The following PTK2 variants were observed in gnomAD, a reference collection of about 807,000 sequenced individuals.
PTK2 encodes the protein focal adhesion kinase 1.
PTK2 carries 45 observed loss-of-function variants against 150.1 expected under a neutral mutation model. That is an observed-to-expected ratio of 0.30 (90% CI 0.24 to 0.38). The LOEUF (loss-of-function observed/expected upper bound fraction) is 0.38. PTK2 is among the 10% of genes least tolerant of loss of function. The probability of loss-of-function intolerance (pLI) is 1.00; values close to 1 mark genes in which losing one functional copy is unlikely to be tolerated. For synonymous variants in PTK2, 432 were observed against 449.2 expected (o/e 0.96, Z 0.48); for missense variants, 919 against 1,307.3 (o/e 0.70, Z 4.58).
At chr8:140,879,337 C>T (rs182711237) in intron 4 of PTK2, 134 bp downstream of exon 4, 43 of 945,820 alleles carry the variant, frequency 4.5e-5, no homozygotes, top group African/African-American at 4.2e-4. Context: ...TAATTACTAA[C>T]GAATTTTATT....
At chr8:140,669,587 T>G (rs535906961) in intron 29 of PTK2, 140 bp downstream of exon 33, 3 of 830,138 alleles carry the variant, frequency 3.6e-6, no homozygotes, top group Non-Finnish European at 5.6e-6. Flanking sequence ...GCTTTTGGCA[T>G]CTGTCAGTCA....
intron 14 of PTK2, 143 bp downstream of exon 14, chr8:140,789,331 G>T: frequency 1.4e-6 from 1 of 690,980 alleles, no homozygotes; most frequent in Non-Finnish European, 2.2e-6. Flanking sequence ...TTTAATGATG[G>T]TAAAATTATG....
chr8:140,936,111 T>C (rs934788764), intron 1 of PTK2, among the ~76,000 whole-genome samples: 2 of 152,158 alleles, frequency 1.3e-5, no homozygotes, highest in East Asian at 1.9e-4. Context: ...AAGTGAGCTA[T>C]GATAGTGCTA....
chr8:140,681,932 T>C (rs1395863739), intron 27 of PTK2, among the ~76,000 whole-genome samples: 1 of 152,244 alleles, frequency 6.6e-6, no homozygotes, highest in Non-Finnish European at 1.5e-5. Context: ...AGCAGTAGGA[T>C]ATAAATAACT....
chr8:140,846,408 G>C (rs2154604309), intron 6 of PTK2, 86 bp from the exon 7 acceptor site: 1 of 1,388,364 alleles, frequency 7.2e-7, no homozygotes, highest in African/African-American at 1.4e-5. Flanking sequence ...AGAGGCATCT[G>C]AATAATAAAC....
intron 7 of PTK2, among the ~76,000 whole-genome samples, chr8:140,842,510 A>G (rs1386770223): frequency 6.6e-6 from 1 of 152,062 alleles, no homozygotes; most frequent in African/African-American, 2.4e-5. Flanking sequence ...ACAATCTCAT[A>G]TATAGGTAGG....
intron 1 of PTK2, among the ~76,000 whole-genome samples, chr8:140,940,859 A>G (rs1780489499): frequency 6.6e-6 from 1 of 151,988 alleles, no homozygotes; most frequent in African/African-American, 2.4e-5. Context: ...TACCTGCGCT[A>G]CTTGGGAGGC....
At chr8:140,899,933 G>C (rs550313979) in intron 2 of PTK2, among the ~76,000 whole-genome samples, 1 of 152,050 alleles carries the variant, frequency 6.6e-6, no homozygotes, top group South Asian at 2.1e-4. Flanking sequence ...CCAAAAAATA[G>C]GGTACAGAAG....
intron 2 of PTK2, among the ~76,000 whole-genome samples, chr8:140,900,497 G>T (rs1042060207): frequency 1.3e-5 from 2 of 152,106 alleles, no homozygotes; most frequent in African/African-American, 4.8e-5. Context: ...CAAGGCAGGC[G>T]TATCACTAGA....
intron 5 of PTK2, among the ~76,000 whole-genome samples, chr8:140,853,557 A>G (rs767070563): frequency 1.6e-4 from 24 of 151,930 alleles, no homozygotes; most frequent in Non-Finnish European, 3.4e-4. Context: ...TCCATGGTGT[A>G]TATGTGCCAC....
chr8:140,727,491 C>CAA (rs569200313), intron 22 of PTK2, among the ~76,000 whole-genome samples: 80 of 89,096 alleles, frequency 9.0e-4, no homozygotes, highest in African/African-American at 2.9e-3. Context: ...GATAGCAATG[C>CAA]AAAAAAAAAA....
chr8:140,849,150 A>G (rs2100127528), intron 5 of PTK2, among the ~76,000 whole-genome samples: 1 of 152,196 alleles, frequency 6.6e-6, no homozygotes, highest in South Asian at 2.1e-4. Flanking sequence ...GCATGATCAC[A>G]CACTGAAATC....
At chr8:140,708,674 T>C (rs2100035145) in intron 23 of PTK2, among the ~76,000 whole-genome samples, 1 of 152,108 alleles carries the variant, frequency 6.6e-6, no homozygotes, top group South Asian at 2.1e-4. Context: ...GAAAAGGGTA[T>C]AAAGAGAGCA....
chr8:140,892,169 C>T (rs556431822), intron 2 of PTK2, among the ~76,000 whole-genome samples: 1 of 152,244 alleles, frequency 6.6e-6, no homozygotes, highest in East Asian at 1.9e-4. Flanking sequence ...GACTGCATTG[C>T]TGCACTTCAG....
chr8:140,788,700 A>C (rs73371899), intron 14 of PTK2, among the ~76,000 whole-genome samples: 1 of 152,150 alleles, frequency 6.6e-6, no homozygotes, highest in East Asian at 1.9e-4. Flanking sequence ...AACTGATTCA[A>C]AATAAACAGG....
intron 23 of PTK2, among the ~76,000 whole-genome samples, chr8:140,709,331 A>C (rs2100035505): frequency 6.6e-6 from 1 of 152,256 alleles, no homozygotes; most frequent in Admixed American, 6.5e-5. Flanking sequence ...TTCCATTTCA[A>C]AATAAAAATA....
intron 2 of PTK2, among the ~76,000 whole-genome samples, chr8:140,895,818 G>A (rs775523330): frequency 2.0e-5 from 3 of 151,924 alleles, no homozygotes; most frequent in Non-Finnish European, 2.9e-5. Flanking sequence ...ATATCAAAAC[G>A]TCTCATGTAC....
chr8:140,808,486 CAT>C (rs1456271992), intron 10 of PTK2, among the ~76,000 whole-genome samples: 1 of 152,070 alleles, frequency 6.6e-6, no homozygotes, highest in African/African-American at 2.4e-5. Flanking sequence ...AAAAGGAAAA[CAT>C]ATATTTTCAA....
At chr8:140,874,339 CA>C (rs2100144341) in intron 4 of PTK2, among the ~76,000 whole-genome samples, 1 of 152,092 alleles carries the variant, frequency 6.6e-6, no homozygotes, top group Non-Finnish European at 1.5e-5. Context: ...AAGCTATGTC[CA>C]AAAACGTCAT....
Sources: allele counts gnomAD v4.1 joint callset (sites outside exome capture counted in the v4.1 genomes callset), GRCh38; gene constraint gnomAD v4.1.1; transcripts MANE v1.5; gene names NCBI Gene and HGNC (gene_info 2026-07-23, HGNC 2026-07-21).